The following IL1RAPL1 variants were observed in gnomAD, a reference collection of about 807,000 sequenced individuals.
IL1RAPL1 encodes the protein interleukin-1 receptor accessory protein-like 1.
Under a neutral mutation model 48.4 loss-of-function variants are expected in IL1RAPL1, and 3 were observed. The ratio of observed to expected loss-of-function variants is 0.06; its 90% CI spans 0.03 to 0.16. The LOEUF (loss-of-function observed/expected upper bound fraction) is 0.16. Ranked by LOEUF, IL1RAPL1 falls within the 10% of genes least tolerant of loss-of-function variation. IL1RAPL1 has a pLI of 1.00. For synonymous variants in IL1RAPL1, 185 were observed against 187.7 expected, an observed-to-expected ratio of 0.99 and a Z score of 0.12; for missense variants, 349 against 530.6, an observed-to-expected ratio of 0.66 and a Z score of 3.36.
intron 2 of IL1RAPL1, among the ~76,000 whole-genome samples, chrX:29,278,081 T>C (rs755605001): frequency 4.5e-5 from 5 of 111,894 alleles, no homozygotes; most frequent in Admixed American, 1.9e-4. Flanking sequence ...ACATAATTTA[T>C]CCTTCTATAA....
At chrX:28,760,749 A>G (rs1440659728) in intron 1 of IL1RAPL1, among the ~76,000 whole-genome samples, 1 of 111,572 alleles carries the variant, frequency 9.0e-6, no homozygotes, top group Admixed American at 9.6e-5. Context: ...CAAAACCACC[A>G]TAAGACACCA....
At chrX:29,914,209 G>GC (rs1932780648) in intron 6 of IL1RAPL1, among the ~76,000 whole-genome samples, 1 of 111,981 alleles carries the variant, frequency 8.9e-6, no homozygotes, top group Non-Finnish European at 1.9e-5. Context: ...TTACATGGGT[G>GC]CAGGAGCCAT....
chrX:29,774,988 T>C (rs1929159093), intron 6 of IL1RAPL1, among the ~76,000 whole-genome samples: 2 of 112,257 alleles, frequency 1.8e-5, no homozygotes, highest in Admixed American at 9.5e-5. Flanking sequence ...ATAAAAGTAA[T>C]TGAAACCTAA....
At chrX:29,844,167 C>T (rs988238256) in intron 6 of IL1RAPL1, among the ~76,000 whole-genome samples, 2 of 111,822 alleles carry the variant, frequency 1.8e-5, no homozygotes, top group African/African-American at 6.5e-5. Flanking sequence ...GTATTGAGAA[C>T]CTAATATATG....
chrX:29,087,402 C>T (rs1927978004), intron 2 of IL1RAPL1, among the ~76,000 whole-genome samples: 1 of 110,808 alleles, frequency 9.0e-6, no homozygotes, highest in African/African-American at 3.3e-5. Context: ...TCCCAAAGTG[C>T]TGTGATTACA....
intron 2 of IL1RAPL1, among the ~76,000 whole-genome samples, chrX:28,947,643 C>T (rs1042612496): frequency 3.6e-5 from 4 of 111,007 alleles, no homozygotes; most frequent in Admixed American, 9.6e-5. Context: ...CACACCAACA[C>T]GGCACATGTG....
At chrX:28,938,779 C>G (rs1924084620) in intron 2 of IL1RAPL1, among the ~76,000 whole-genome samples, 1 of 110,869 alleles carries the variant, frequency 9.0e-6, no homozygotes, top group South Asian at 3.7e-4. Flanking sequence ...AACTATATAT[C>G]TGACAAAGAT....
intron 2 of IL1RAPL1, among the ~76,000 whole-genome samples, chrX:28,824,292 A>G (rs1481943161): frequency 1.8e-5 from 2 of 111,054 alleles, no homozygotes; most frequent in African/African-American, 6.5e-5. Context: ...CCTTTACTTT[A>G]TGTATTCTCA....
rs778464033 is a variant in IL1RAPL1, at chrX:28,902,760, C to A, written c.82+113335C>A. On this transcript the variant is annotated intron_variant, in intron 2 of 10. Transcript: ENST00000378993. ...GTATATGGCCTGTTAGGAACTGGGA[C>A]ACACAGCAGAGTTGTGCAGTGGGTG... Among the ~76,000 whole-genome samples the A allele has an allele frequency of 1.1e-4, 12 of 111,578 alleles. No homozygotes were observed. The South Asian group carries it at 4.5e-3, about 42-fold the overall frequency.
intron 6 of IL1RAPL1, among the ~76,000 whole-genome samples, chrX:29,791,138 T>C (rs949639388): frequency 9.0e-6 from 1 of 110,699 alleles, no homozygotes; most frequent in South Asian, 3.9e-4. Flanking sequence ...TCAATCTCTC[T>C]TAAATCTCTC....
At chrX:29,413,891 A>G (rs2147699909) in intron 5 of IL1RAPL1, among the ~76,000 whole-genome samples, 2 of 110,361 alleles carry the variant, frequency 1.8e-5, no homozygotes, top group South Asian at 7.7e-4. Flanking sequence ...ATATATATTT[A>G]TATGTATACA....
At chrX:28,665,827 A>G (rs1306688786) in intron 1 of IL1RAPL1, among the ~76,000 whole-genome samples, 1 of 112,169 alleles carries the variant, frequency 8.9e-6, no homozygotes, top group Non-Finnish European at 1.9e-5. Flanking sequence ...GATCATTTGA[A>G]ACAGTACACT....
intron 5 of IL1RAPL1, among the ~76,000 whole-genome samples, chrX:29,610,097 T>C (rs190148636): frequency 8.9e-6 from 1 of 111,843 alleles, no homozygotes; most frequent in East Asian, 2.8e-4. Flanking sequence ...AGAGAGGTAA[T>C]TCTCCAAAAC....
At chrX:29,949,125 A>G (rs1933266845) in intron 9 of IL1RAPL1, among the ~76,000 whole-genome samples, 1 of 112,063 alleles carries the variant, frequency 8.9e-6, no homozygotes, top group Admixed American at 9.5e-5. Context: ...ATCCTCTCAT[A>G]TGTTAAAGAG....
intron 2 of IL1RAPL1, among the ~76,000 whole-genome samples, chrX:29,012,872 A>T (rs1441077766): frequency 8.9e-6 from 1 of 112,126 alleles, no homozygotes; most frequent in Non-Finnish European, 1.9e-5. Flanking sequence ...TTTCCACTTG[A>T]TAGGTGCCAA....
rs184057054 is a variant in IL1RAPL1 at position 29,803,074 on chromosome X, T to C, written c.779-114390T>C. On this transcript the variant is annotated intron_variant, in intron 6 of 10. Transcript: ENST00000378993. The stretch of plus-strand genomic sequence containing the variant: ...GTGTACATATATATGTATGCATGTA[T>C]ACATATATGTGTATATGTATACATG... Among the ~76,000 whole-genome samples, 604 of 88,719 alleles carry C rather than the reference T, an allele frequency of 6.8e-3. 5 individuals carry two copies. The highest frequency in any genetic ancestry group is 9.4e-3 in the Non-Finnish European group (431 of 45,977). The allele number at this position is 88,719 out of a possible 115,157, so 77.0% of individuals were successfully genotyped here.
At chrX:29,807,121 T>C (rs186036453) in intron 6 of IL1RAPL1, among the ~76,000 whole-genome samples, 66 of 110,716 alleles carry the variant, frequency 6.0e-4, no homozygotes, top group African/African-American at 2.0e-3. Context: ...TAATACAATA[T>C]GTAACTATTT....
At chrX:29,350,197 A>ATG (rs1206716369) in intron 3 of IL1RAPL1, among the ~76,000 whole-genome samples, 18 of 70,929 alleles carry the variant, frequency 2.5e-4, no homozygotes, top group African/African-American at 1.3e-3. Flanking sequence ...TATTTTATAT[A>ATG]TATATATATA....
At chrX:28,972,918 C>T (rs942097320) in intron 2 of IL1RAPL1, among the ~76,000 whole-genome samples, 2 of 111,171 alleles carry the variant, frequency 1.8e-5, no homozygotes, top group African/African-American at 6.5e-5. Context: ...TTTACCCACC[C>T]GCCATGATTT....
Sources: allele counts gnomAD v4.1 joint callset (sites outside exome capture counted in the v4.1 genomes callset), GRCh38; gene constraint gnomAD v4.1.1; transcripts MANE v1.5; gene names NCBI Gene and HGNC (gene_info 2026-07-23, HGNC 2026-07-21).